The following UNC5C variants were observed in gnomAD, a reference collection of about 807,000 sequenced individuals.
UNC5C encodes unc-5 netrin receptor C.
A neutral mutation model predicts 99.8 loss-of-function variants in UNC5C; 47 were observed. The observed-to-expected ratio is 0.47, with a 90% CI of 0.37 to 0.60. The LOEUF (loss-of-function observed/expected upper bound fraction) is 0.60. UNC5C is among the 20% of genes least tolerant of loss of function. The pLI is 0.00. For synonymous variants in UNC5C, 487 were observed against 452.2 expected, an observed-to-expected ratio of 1.08 and a Z score of -0.98; for missense variants, 1,062 against 1,165.9, an observed-to-expected ratio of 0.91 and a Z score of 1.30.
At chr4:95,542,047 C>G (rs1016284707) in intron 1 of UNC5C, among the ~76,000 whole-genome samples, 1 of 152,050 alleles carries the variant, frequency 6.6e-6, no homozygotes, top group African/African-American at 2.4e-5. Context: ...AGAAATGAAA[C>G]TAGCCACAGG....
At chr4:95,490,571 T>TA (rs1721455220) in intron 1 of UNC5C, among the ~76,000 whole-genome samples, 2 of 151,694 alleles carry the variant, frequency 1.3e-5, no homozygotes, top group South Asian at 4.1e-4. Flanking sequence ...ATTGCTTCAG[T>TA]AAAATATTAC....
rs1055951257 is a variant in UNC5C, at chr4:95,250,705, T to C, written c.595-38A>G. 5.6e-6 allele frequency: 9 copies of C among 1,596,336 alleles called. No homozygotes were observed. The Admixed American group carries it at 1.2e-4, about 21-fold the overall frequency. On this transcript the variant is annotated intron_variant, in intron 4 of 15. Transcript: ENST00000453304. ...GAGAAAAGTAGATAAATCCTCAGCA[T>C]GGATCCCCTGATGGCTGTCTGTCCT...
intron 1 of UNC5C, among the ~76,000 whole-genome samples, chr4:95,519,765 C>T (rs1419195072): frequency 6.6e-6 from 1 of 152,164 alleles, no homozygotes; most frequent in Admixed American, 6.5e-5. Flanking sequence ...ATGGATTTCC[C>T]ATTTCTCCCA....
In UNC5C at chr4:95,185,168, C is replaced by G. The variant is rs1736782354; in HGVS notation, c.2165G>C (p.Gly722Ala). 2 of 1,612,504 alleles carry G rather than the reference C, an allele frequency of 1.2e-6. No individual in the cohort carries two copies. Among genetic ancestry groups the G allele is most frequent in the Admixed American group, 3.4e-5 (2 of 59,534 alleles). Residue 722 changes from glycine (G) to alanine (A), a missense_variant, in exon 13 of 16, where the codon GGA (glycine) becomes GCA (alanine). Physicochemically the swap from Gly to Ala is moderately conservative, Grantham distance 60 (BLOSUM62 0). Transcript: ENST00000453304. ...CTTAGGTTCTTCTAGGAGCTGTCCT[C>G]CCATCTGTCTCTCAAGATGTAAAAT... is the stretch of plus-strand genomic sequence containing the variant. ...KEILHLERQM[G>A]GQLLEEPKAL...
chr4:95,324,175 A>G (rs1258855772), intron 2 of UNC5C, among the ~76,000 whole-genome samples: 1 of 152,226 alleles, frequency 6.6e-6, no homozygotes, highest in Non-Finnish European at 1.5e-5. Context: ...GGAGGTGTGC[A>G]GCAGGTGAGG....
chr4:95,236,924 C>T (rs147934626), intron 7 of UNC5C, among the ~76,000 whole-genome samples: 23 of 152,200 alleles, frequency 1.5e-4, no homozygotes, highest in Admixed American at 4.6e-4. Context: ...TCCTCAGTAT[C>T]CAAGGAGGAT....
In UNC5C at chr4:95,361,761, C is replaced by T. The variant is rs561034882; in HGVS notation, c.125-26130G>A. ...CCAGTAATTCCGAAAAAGCTTCTAC[C>T]TACTTGTATGATCTGTCAAAAAAAT... On this transcript the variant is annotated intron_variant, in intron 1 of 15. Coordinates refer to ENST00000453304, the MANE Select transcript of UNC5C (RefSeq NM_003728.4). 6.6e-5 allele frequency among the ~76,000 whole-genome samples: 10 copies of T among 152,186 alleles called. No individual in the cohort carries two copies. In the East Asian group the frequency reaches 1.9e-3, roughly 29 times the overall value.
chr4:95,534,349 T>G (rs969366264), intron 1 of UNC5C, among the ~76,000 whole-genome samples: 1 of 152,200 alleles, frequency 6.6e-6, no homozygotes, highest in Non-Finnish European at 1.5e-5. Context: ...TTGGGTTATG[T>G]TCTTCCTATC....
intron 12 of UNC5C, among the ~76,000 whole-genome samples, chr4:95,200,708 C>G (rs905571728): frequency 3.3e-5 from 5 of 152,206 alleles, no homozygotes; most frequent in African/African-American, 1.2e-4. Flanking sequence ...CAATTATCAA[C>G]ATAACGTAGT....
At chr4:95,278,493 G>A (rs77496677) in intron 3 of UNC5C, 131 bp from the exon 4 acceptor site, 46 of 625,520 alleles carry the variant, frequency 7.4e-5, no homozygotes, top group Admixed American at 3.0e-4. Flanking sequence ...TTTTTTTTTT[G>A]AGACAGGGTC....
At chr4:95,330,032 G>A (rs562565939) in intron 2 of UNC5C, among the ~76,000 whole-genome samples, 17 of 152,106 alleles carry the variant, frequency 1.1e-4, no homozygotes, top group African/African-American at 3.6e-4. Context: ...TTCCTATCTT[G>A]TTATATCAAT....
At chr4:95,258,971 CAGGATGGT>C (rs796816901) in intron 4 of UNC5C, among the ~76,000 whole-genome samples, 1 of 151,054 alleles carries the variant, frequency 6.6e-6, no homozygotes, top group African/African-American at 2.4e-5. Flanking sequence ...CCTTGTTAGC[CAGGATGGT>C]CTCGATCTCC....
At chr4:95,170,051 G>A (rs1736025747) in intron 15 of UNC5C, 103 bp downstream of exon 15, 2 of 1,429,714 alleles carry the variant, frequency 1.4e-6, no homozygotes, top group African/African-American at 1.4e-5. Context: ...TTAAATAGAT[G>A]TGTGGATGGA....
At chr4:95,448,785 A>G (rs1314706008) in intron 1 of UNC5C, among the ~76,000 whole-genome samples, 1 of 152,230 alleles carries the variant, frequency 6.6e-6, no homozygotes, top group Non-Finnish European at 1.5e-5. Flanking sequence ...AGTAATGGAT[A>G]CACTCTCTTT....
chr4:95,491,729 T>C (rs1336692129), intron 1 of UNC5C, among the ~76,000 whole-genome samples: 1 of 151,566 alleles, frequency 6.6e-6, no homozygotes, highest in Admixed American at 6.6e-5. Flanking sequence ...AATAGTAAAA[T>C]ATGTTGTGTT....
chr4:95,238,792 A>G (rs1486034976), intron 7 of UNC5C, among the ~76,000 whole-genome samples: 2 of 152,132 alleles, frequency 1.3e-5, no homozygotes, highest in African/African-American at 4.8e-5. Flanking sequence ...TCCAGTTTAT[A>G]AATTTTCTCT....
intron 1 of UNC5C, among the ~76,000 whole-genome samples, 181 bp from the exon 2 acceptor site, chr4:95,335,812 C>T (rs780632780): frequency 6.6e-6 from 1 of 151,774 alleles, no homozygotes; most frequent in Admixed American, 6.6e-5. Context: ...ATTATTATTC[C>T]CATTTCTATA....
At chr4:95,451,436 C>T (rs1156687034) in intron 1 of UNC5C, among the ~76,000 whole-genome samples, 1 of 152,090 alleles carries the variant, frequency 6.6e-6, no homozygotes, top group Non-Finnish European at 1.5e-5. Flanking sequence ...TCTCCAAATG[C>T]TTCAAAATGT....
intron 14 of UNC5C, among the ~76,000 whole-genome samples, chr4:95,181,456 C>T (rs1579205211): frequency 1.3e-5 from 2 of 152,142 alleles, no homozygotes; most frequent in East Asian, 3.9e-4. Flanking sequence ...AGAAAGCAAG[C>T]ATCAAAGGAC....
Sources: allele counts gnomAD v4.1 joint callset (sites outside exome capture counted in the v4.1 genomes callset), GRCh38; gene constraint gnomAD v4.1.1; transcripts MANE v1.5; gene names NCBI Gene and HGNC (gene_info 2026-07-23, HGNC 2026-07-21).